Variants in VPS4B observed in about 807,000 individuals in gnomAD.
The protein encoded by VPS4B is vacuolar protein sorting 4 homolog B, also known as vacuolar protein sorting-associated protein 4B.
Under a neutral mutation model 56.1 loss-of-function variants are expected in VPS4B, and 23 were observed. That is an observed-to-expected ratio of 0.41 (90% CI 0.30 to 0.58). VPS4B has a LOEUF of 0.58. VPS4B is among the 20% of genes least tolerant of loss of function. The probability of loss-of-function intolerance (pLI) is 0.29; values close to 1 mark genes in which losing one functional copy is unlikely to be tolerated. For missense variants in VPS4B, 372 were observed against 531.9 expected, an observed-to-expected ratio of 0.70 and a Z score of 2.96; for synonymous variants, 177 against 186.0, an observed-to-expected ratio of 0.95 and a Z score of 0.39.
At chr18:63,420,770 T>C (rs983218149) in intron 1 of VPS4B, among the ~76,000 whole-genome samples, 47 of 151,966 alleles carry the variant, frequency 3.1e-4, no homozygotes, top group South Asian at 2.1e-4. Flanking sequence ...CCGGGCACGG[T>C]GACTCACGCC....
chr18:63,415,682 T>C, intron 1 of VPS4B: 1 of 242,034 alleles, frequency 4.1e-6, no homozygotes, highest in Non-Finnish European at 9.0e-6. Flanking sequence ...TGTGCAGCAC[T>C]TCACTGTCCC....
intron 4 of VPS4B, chr18:63,404,565 T>C (rs1458454975): frequency 6.6e-6 from 1 of 152,248 alleles, no homozygotes; most frequent in African/African-American, 2.4e-5. Context: ...ATTATTGCAG[T>C]AAGAGTCCAA....
At chr18:63,402,807 C>T (rs1291360253) in intron 5 of VPS4B, among the ~76,000 whole-genome samples, 3 of 152,168 alleles carry the variant, frequency 2.0e-5, no homozygotes, top group Non-Finnish European at 4.4e-5. Flanking sequence ...TGAAGCTAGG[C>T]GGACAGTGCG....
intron 4 of VPS4B, among the ~76,000 whole-genome samples, chr18:63,407,137 T>C (rs1915936620): frequency 6.6e-6 from 1 of 152,222 alleles, no homozygotes; most frequent in Admixed American, 6.5e-5. Flanking sequence ...AGTATAAGTG[T>C]TACCTTCTCT....
chr18:63,389,655 A>C lies in VPS4B; in HGVS notation c.*1320T>G, dbSNP rs1915498965. ...TTAATGAGTCATGAGCTCATTTCTA[A>C]AGCTTCATAAAGCATTACACTGATA... On this transcript the variant is annotated 3_prime_UTR_variant, in exon 11 of 11. Transcript: ENST00000238497. 6.6e-6 allele frequency: 1 copy of C among 152,646 alleles called. No individual in the cohort carries two copies. Among genetic ancestry groups the C allele is most frequent in the Non-Finnish European group, 1.5e-5 (1 of 68,038 alleles). 9.5% of individuals were successfully genotyped at this position (152,646 alleles called of 1,614,324 possible).
rs777600205 is a variant in VPS4B, at chr18:63,400,752, G to C, written c.485-49C>G. 1.9e-6 allele frequency: 3 copies of C among 1,546,142 alleles called. No individual in the cohort carries two copies. The South Asian group carries it at 3.6e-5, about 18-fold the overall frequency. Reference sequence around the variant, plus strand: ...GTCATGAGAATTTTAACACTTAATTGTATCATCTATACTGAGGAATACTCT... The same window carrying C: ...GTCATGAGAATTTTAACACTTAATTCTATCATCTATACTGAGGAATACTCT... On this transcript the variant is annotated intron_variant, in intron 5 of 10. Transcript: ENST00000238497.
At chr18:63,419,501 T>C (rs1264400296) in intron 1 of VPS4B, among the ~76,000 whole-genome samples, 2 of 152,196 alleles carry the variant, frequency 1.3e-5, no homozygotes, top group Non-Finnish European at 2.9e-5. Flanking sequence ...TCCACTTCAT[T>C]TGAATGGATA....
chr18:63,414,798 C>A (rs1467039531), intron 1 of VPS4B, among the ~76,000 whole-genome samples: 1 of 152,238 alleles, frequency 6.6e-6, no homozygotes, highest in Non-Finnish European at 1.5e-5. Flanking sequence ...AAATGCTGTG[C>A]CACTCACCTC....
chr18:63,404,370 G>C (rs898531704), intron 4 of VPS4B: 2 of 152,144 alleles, frequency 1.3e-5, no homozygotes, highest in African/African-American at 4.8e-5. Context: ...AGGAAAGGAA[G>C]GAATGGAAGC....
chr18:63,407,587 G>A (rs1915945452), intron 3 of VPS4B, 88 bp from the exon 4 acceptor site: 1 of 1,009,394 alleles, frequency 9.9e-7, no homozygotes, highest in Non-Finnish European at 1.4e-6. Flanking sequence ...TGAAATATTT[G>A]TAATTTCAGT....
At chr18:63,393,895 C>T (rs981680553) in intron 9 of VPS4B, among the ~76,000 whole-genome samples, 1 of 152,016 alleles carries the variant, frequency 6.6e-6, no homozygotes, top group African/African-American at 2.4e-5. Context: ...TGCCACCACA[C>T]CCAGCTAATT....
intron 5 of VPS4B, 88 bp downstream of exon 5, chr18:63,403,619 A>G (rs1915857641): frequency 7.5e-7 from 1 of 1,324,994 alleles, no homozygotes. Flanking sequence ...AAGATAATTC[A>G]TTAGTGACAA....
chr18:63,415,353 A>C (rs1306223777), intron 1 of VPS4B: 3 of 210,606 alleles, frequency 1.4e-5, no homozygotes, highest in African/African-American at 7.0e-5. Context: ...TTTACTCTCT[A>C]TCCTTCTGCA....
At position 63,407,503 on chromosome 18, in the gene VPS4B, AT is replaced by A. The variant is rs750383453; in HGVS notation, c.297-5del. The A allele has an allele frequency of 2.5e-6, 4 of 1,599,688 alleles. No individual in the cohort carries two copies. Among genetic ancestry groups the A allele is most frequent in the Non-Finnish European group, 3.4e-6 (4 of 1,174,398 alleles). ...TCCTTCCCCATCACTGTCATTCCTA[AT>A]AAAAAGAATTTAATATATTCAAATG... is the stretch of plus-strand genomic sequence containing the variant. On this transcript the variant is annotated splice_polypyrimidine_tract_variant and splice_region_variant and intron_variant, in intron 3 of 10. Coordinates refer to ENST00000238497, the MANE Select transcript of VPS4B (RefSeq NM_004869.4).
intron 1 of VPS4B, among the ~76,000 whole-genome samples, chr18:63,420,557 A>C (rs1013782491): frequency 1.3e-5 from 2 of 152,226 alleles, no homozygotes; most frequent in African/African-American, 4.8e-5. Context: ...ATTGTTAAAA[A>C]GCCAACGATG....
chr18:63,403,955 T>A (rs1915864727), intron 4 of VPS4B, 129 bp from the exon 5 acceptor site: 2 of 1,031,930 alleles, frequency 1.9e-6, no homozygotes, highest in African/African-American at 3.3e-5. Flanking sequence ...ACAACCTTTT[T>A]GAAATAGCGT....
chr18:63,408,492 T>C (rs918694598), intron 3 of VPS4B, among the ~76,000 whole-genome samples: 1 of 152,186 alleles, frequency 6.6e-6, no homozygotes, highest in African/African-American at 2.4e-5. Flanking sequence ...CTGCCGTTTC[T>C]CATCTCCCTT....
rs975234913 is a variant in VPS4B at position 63,389,585 on chromosome 18, A to T, written c.*1390T>A. Reference sequence around the variant, plus strand: ...ATGCTAAAGTATGAAACACATCCTCAGATTATTTATTTGAAAATATTAAAA... The same window carrying T: ...ATGCTAAAGTATGAAACACATCCTCTGATTATTTATTTGAAAATATTAAAA... On this transcript the variant is annotated 3_prime_UTR_variant, in exon 11 of 11. Transcript: ENST00000238497. 1 of 150,344 alleles carries T rather than the reference A, an allele frequency of 6.7e-6. No homozygotes were observed. The highest frequency in any genetic ancestry group is 1.5e-5 in the Non-Finnish European group (1 of 67,810). 9.3% of individuals were successfully genotyped at this position (150,344 alleles called of 1,614,324 possible).
chr18:63,399,426 G>T, intron 7 of VPS4B, 103 bp from the exon 8 acceptor site: 2 of 979,522 alleles, frequency 2.0e-6, no homozygotes, highest in Middle Eastern at 4.4e-4. Flanking sequence ...CCATTAAAGT[G>T]CTTCATCTTG....
Sources: allele counts gnomAD v4.1 joint callset (sites outside exome capture counted in the v4.1 genomes callset), GRCh38; gene constraint gnomAD v4.1.1; transcripts MANE v1.5; gene names NCBI Gene and HGNC (gene_info 2026-07-23, HGNC 2026-07-21).